Variants in MDGA2 observed in about 807,000 individuals in gnomAD.
The protein encoded by MDGA2 is MAM domain containing glycosylphosphatidylinositol anchor 2, also known as MAM domain-containing glycosylphosphatidylinositol anchor protein 2.
Under a neutral mutation model 117.8 loss-of-function variants are expected in MDGA2, and 40 were observed. The ratio of observed to expected loss-of-function variants is 0.34; its 90% confidence interval spans 0.26 to 0.44. The LOEUF (loss-of-function observed/expected upper bound fraction) is 0.44. Among genes scored for constraint, MDGA2 ranks in the 20% least tolerant of loss-of-function variants. The pLI is 1.00. For missense variants in MDGA2, 1,123 were observed against 1,250.6 expected (o/e 0.90, Z 1.54); for synonymous variants, 452 against 439.0 (o/e 1.03, Z -0.37).
intron 1 of MDGA2, among the ~76,000 whole-genome samples, chr14:47,437,504 T>A (rs556858816): frequency 1.6e-4 from 25 of 152,278 alleles, no homozygotes; most frequent in African/African-American, 6.0e-4. Flanking sequence ...ACAATGTATG[T>A]CCCTCCATTT....
At chr14:46,952,894 A>G (rs1170589622) in intron 9 of MDGA2, among the ~76,000 whole-genome samples, 1 of 151,944 alleles carries the variant, frequency 6.6e-6, no homozygotes, top group Non-Finnish European at 1.5e-5. Flanking sequence ...ATGACAATGA[A>G]GAATTTGCAT....
At chr14:47,153,957 A>G (rs537088908) in intron 3 of MDGA2, among the ~76,000 whole-genome samples, 1 of 152,316 alleles carries the variant, frequency 6.6e-6, no homozygotes, top group East Asian at 1.9e-4. Flanking sequence ...TGATGGGTCT[A>G]GCATTTTCCT....
intron 5 of MDGA2, among the ~76,000 whole-genome samples, chr14:47,112,664 C>T (rs1286026939): frequency 1.3e-5 from 2 of 152,106 alleles, no homozygotes; most frequent in Non-Finnish European, 2.9e-5. Context: ...GGGTTGATTC[C>T]ATGTCTTTGC....
intron 9 of MDGA2, among the ~76,000 whole-genome samples, chr14:46,926,040 T>C (rs2138529541): frequency 6.6e-6 from 1 of 152,340 alleles, no homozygotes; most frequent in South Asian, 2.1e-4. Context: ...CCACTATGGC[T>C]GACGTAATCC....
chr14:47,128,181 C>T (rs947275990), intron 5 of MDGA2, among the ~76,000 whole-genome samples: 2 of 151,924 alleles, frequency 1.3e-5, no homozygotes, highest in Non-Finnish European at 2.9e-5. Flanking sequence ...CAAAACAATC[C>T]AGTGAGGATG....
chr14:47,308,084 C>T (rs1357167544), intron 1 of MDGA2, among the ~76,000 whole-genome samples: 2 of 152,026 alleles, frequency 1.3e-5, no homozygotes, highest in Admixed American at 6.6e-5. Flanking sequence ...GCAGCACAGA[C>T]AAAAGGTCAT....
chr14:47,030,289 T>A (rs1419673853), intron 8 of MDGA2, among the ~76,000 whole-genome samples: 1 of 151,946 alleles, frequency 6.6e-6, no homozygotes, highest in East Asian at 1.9e-4. Flanking sequence ...CTGAGGTTGG[T>A]GGATCACCTG....
At chr14:47,189,025 A>C (rs1885012930) in intron 3 of MDGA2, among the ~76,000 whole-genome samples, 1 of 152,156 alleles carries the variant, frequency 6.6e-6, no homozygotes, top group Non-Finnish European at 1.5e-5. Context: ...AGTCCTTAGA[A>C]ACAAGAAGCT....
intron 6 of MDGA2, among the ~76,000 whole-genome samples, chr14:47,072,686 A>G (rs1304808913): frequency 6.6e-6 from 1 of 152,200 alleles, no homozygotes; most frequent in Non-Finnish European, 1.5e-5. Context: ...GAGTCCAGCC[A>G]TCTGCATTTT....
intron 1 of MDGA2, among the ~76,000 whole-genome samples, chr14:47,618,082 C>A (rs558755883): frequency 2.0e-5 from 3 of 152,080 alleles, no homozygotes; most frequent in Non-Finnish European, 4.4e-5. Context: ...AAACTCAGAG[C>A]AATTTTGAGA....
rs562773980 is a variant in MDGA2, at chr14:47,107,881, G to T, written c.926-10758C>A. Among the ~76,000 whole-genome samples, 728 of 151,568 alleles carry T rather than the reference G, an allele frequency of 4.8e-3. 6 individuals carry two copies. The highest frequency in any genetic ancestry group is 0.016 in the African/African-American group (668 of 41,154). On this transcript the variant is annotated intron_variant, in intron 5 of 16. Transcript: ENST00000399232. ...TTAGAGGCCCTCAAAATAAGTAGAGGCCTTTCCTACAGGGTCTGAGAAGGC... is the reference window on the plus strand; with the variant it reads ...TTAGAGGCCCTCAAAATAAGTAGAGTCCTTTCCTACAGGGTCTGAGAAGGC...
chr14:47,456,855 G>T (rs1893365678), intron 1 of MDGA2, among the ~76,000 whole-genome samples: 1 of 151,946 alleles, frequency 6.6e-6, no homozygotes, highest in Admixed American at 6.6e-5. Context: ...AGTAGCACTA[G>T]GTCTTACTGA....
At chr14:46,878,284 A>G (rs949304668) in intron 11 of MDGA2, among the ~76,000 whole-genome samples, 3 of 152,028 alleles carry the variant, frequency 2.0e-5, no homozygotes, top group Non-Finnish European at 2.9e-5. Context: ...TTGTATCTGT[A>G]TATATCAATT....
chr14:47,240,292 C>A (rs1886997337), intron 2 of MDGA2, among the ~76,000 whole-genome samples: 1 of 151,820 alleles, frequency 6.6e-6, no homozygotes, highest in Admixed American at 6.6e-5. Context: ...GATCCACCCA[C>A]CTTGGCCTCC....
chr14:47,476,513 G>T (rs1345833050), intron 1 of MDGA2, among the ~76,000 whole-genome samples: 1 of 151,548 alleles, frequency 6.6e-6, no homozygotes, highest in Non-Finnish European at 1.5e-5. Context: ...GTATTTACTG[G>T]CCTATAAATA....
At position 47,652,544 on chromosome 14, in the gene MDGA2, G is replaced by A. The variant is rs577142653; in HGVS notation, c.280+21973C>T. On this transcript the variant is annotated intron_variant, in intron 1 of 16. Coordinates refer to ENST00000399232, the MANE Select transcript of MDGA2 (RefSeq NM_001113498.3). ...TGTTCAAGTTATAATTGTTATATGT[G>A]TTGAAATAGAATTAAACTTTGATTC... Among the ~76,000 whole-genome samples, 22 of 152,224 alleles carry A rather than the reference G, an allele frequency of 1.4e-4. 1 individual carries two copies. The South Asian group carries it at 3.9e-3, about 27-fold the overall frequency.
chr14:47,044,302 T>C (rs1417695308), intron 7 of MDGA2, among the ~76,000 whole-genome samples: 1 of 152,182 alleles, frequency 6.6e-6, no homozygotes, highest in Non-Finnish European at 1.5e-5. Context: ...TGTTAGTACA[T>C]CTACTAGACT....
intron 2 of MDGA2, among the ~76,000 whole-genome samples, chr14:47,281,250 T>A (rs1204567645): frequency 6.6e-6 from 1 of 151,856 alleles, no homozygotes; most frequent in Non-Finnish European, 1.5e-5. Context: ...AAGGATGACA[T>A]GACCATTAAG....
chr14:47,311,172 A>C (rs1276127605), intron 1 of MDGA2, among the ~76,000 whole-genome samples: 2 of 152,122 alleles, frequency 1.3e-5, no homozygotes, highest in South Asian at 2.1e-4. Flanking sequence ...AGGGCTCTTC[A>C]GTTTTCTTGG....
Sources: gnomAD v4.1 joint callset for allele counts (sites outside exome capture counted in the v4.1 genomes callset) on GRCh38, gnomAD v4.1.1 for gene constraint, MANE v1.5 for transcripts, NCBI Gene and HGNC (gene_info 2026-07-23, HGNC 2026-07-21) for gene names.